The following PIF1 variants were observed in gnomAD, a reference collection of about 807,000 sequenced individuals.
PIF1 encodes the protein PIF1 5'-to-3' DNA helicase.
In PIF1, 67 loss-of-function variants were observed where a neutral mutation model predicts 62.3. The observed-to-expected ratio is 1.08, with a 90% CI of 0.88 to 1.32. The LOEUF (loss-of-function observed/expected upper bound fraction) is 1.32. Among genes scored for constraint, PIF1 ranks in the 40% most tolerant of loss-of-function variants. The pLI is 0.00. For synonymous variants in PIF1, 364 were observed against 379.5 expected (o/e 0.96, Z 0.47); for missense variants, 886 against 866.1 (o/e 1.02, Z -0.29).
rs61128222 is a variant in PIF1 at position 64,818,313 on chromosome 15, C to T, written c.1472G>A (p.Arg491Gln). The part of the protein sequence containing the change: ...VMLVKNLSVS[R>Q]GLVNGARGVV... ...CCCTCGGGCACCATTCACCAGGCCC[C>T]GAGACACCGATAAGTTTTTCACCAG... The change falls in exon 10 of 13, where the codon CGG becomes CAG. Residue 491 changes from arginine to glutamine, a missense_variant. By Grantham distance (43) the Arg-to-Gln change is conservative (BLOSUM62 1). Transcript: ENST00000559239. The T allele has an allele frequency of 2.5e-4, 404 of 1,614,076 alleles. No homozygotes were observed. In the East Asian group the frequency reaches 3.6e-3, roughly 14 times the overall value.
chr15:64,822,512 C>T lies in PIF1; in HGVS notation c.657G>A (p.Leu219=), dbSNP rs2084305520. The change falls in exon 3 of 13, where the codon CTG becomes CTA. Residue 219 remains leucine (L), a synonymous_variant. Transcript: ENST00000559239. ...EEQAAVLRAV[L]KGQSIFFTGS... is the part of the protein sequence containing the mutation. ...CAGTGAAGAAGATGCTCTGGCCTTT[C>T]AGGACGGCCCTCAGCACAGCAGCCT... The T allele has an allele frequency of 6.2e-7, 1 of 1,613,990 alleles. No individual in the cohort carries two copies. Among genetic ancestry groups the T allele is most frequent in the Non-Finnish European group, 8.5e-7 (1 of 1,180,022 alleles).
At position 64,821,354 on chromosome 15, in the gene PIF1, T is replaced by C. The variant is rs767940680; in HGVS notation, c.971+13A>G. The C allele has an allele frequency of 1.9e-6, 3 of 1,613,868 alleles. No homozygotes were observed. The highest frequency in any genetic ancestry group is 1.7e-5 in the Admixed American group (1 of 60,000). On this transcript the variant is annotated intron_variant, in intron 5 of 12. Transcript: ENST00000559239. ...GTCCCAGTTCTCACCTGCTGCCCTC[T>C]GAACATACTGACCTGGCCACGGCCT...
rs201895656 is a variant in PIF1 at position 64,821,457 on chromosome 15, C to T, written c.881G>A (p.Arg294Gln). 28 of 1,614,176 alleles carry T rather than the reference C, an allele frequency of 1.7e-5. No individual in the cohort carries two copies. In the East Asian group the frequency reaches 3.1e-4, roughly 18 times the overall value. The change falls in exon 5 of 13, where the codon CGG becomes CAG. Residue 294 changes from arginine to glutamine, a missense_variant. Coordinates refer to ENST00000559239, the MANE Select transcript of PIF1 (RefSeq NM_001286496.2). ...CCGCTGGCAGTTCAGCCAGCCCTGCCGCACGCCTGGCCTTTGGGCCAGGGC... is the reference window on the plus strand; with the variant it reads ...CCGCTGGCAGTTCAGCCAGCCCTGCTGCACGCCTGGCCTTTGGGCCAGGGC... ...CVALAQRPGV[R>Q]QGWLNCQRLV...
chr15:64,817,904 C>A, intron 11 of PIF1, 42 bp downstream of exon 11: 2 of 1,580,376 alleles, frequency 1.3e-6, no homozygotes, highest in South Asian at 1.1e-5. Flanking sequence ...TGCCTGACCT[C>A]CCTCTGCCCT....
intron 8 of PIF1, 137 bp from the exon 9 acceptor site, chr15:64,819,360 G>A: frequency 1.6e-6 from 1 of 639,904 alleles, no homozygotes; most frequent in South Asian, 1.9e-5. Context: ...GCCCAGACTG[G>A]AGTGCAAAGG....
intron 7 of PIF1, among the ~76,000 whole-genome samples, chr15:64,820,543 C>T (rs1055684203): frequency 2.6e-5 from 4 of 152,196 alleles, no homozygotes; most frequent in African/African-American, 9.6e-5. Context: ...ACTACAGGTG[C>T]GTGCCACCAC....
At chr15:64,826,356 G>T (rs2084367062), upstream of PIF1, among the ~76,000 whole-genome samples, 1 of 151,758 alleles carries the variant, frequency 6.6e-6, no homozygotes, top group African/African-American at 2.4e-5. Context: ...TACATAGCTG[G>T]AAAGGATCTT....
intron 9 of PIF1, chr15:64,818,903 C>T (rs2084237175): frequency 6.6e-6 from 3 of 457,008 alleles, no homozygotes; most frequent in Non-Finnish European, 1.1e-5. Flanking sequence ...TTGCCCAAAA[C>T]AACACTGCTT....
intron 1 of PIF1, among the ~76,000 whole-genome samples, chr15:64,824,707 C>T (rs968277911): frequency 5.3e-5 from 8 of 150,948 alleles, no homozygotes; most frequent in African/African-American, 9.8e-5. Flanking sequence ...ATTAGCCGGG[C>T]GTGGTGGCGG....
At chr15:64,826,741 C>T (rs958610313), upstream of PIF1, among the ~76,000 whole-genome samples, 3 of 135,134 alleles carry the variant, frequency 2.2e-5, no homozygotes, top group Non-Finnish European at 3.2e-5. Context: ...TATATATATA[C>T]ACACACATAT....
intron 1 of PIF1, among the ~76,000 whole-genome samples, chr15:64,824,994 TATATACAC>T (rs1332647982): frequency 7.6e-6 from 1 of 130,958 alleles, no homozygotes; most frequent in Admixed American, 7.9e-5. Flanking sequence ...AATTTCTATA[TATATACAC>T]ACACACACAC....
At chr15:64,818,752 C>T (rs892763500) in intron 9 of PIF1, 35 of 299,956 alleles carry the variant, frequency 1.2e-4, no homozygotes, top group African/African-American at 6.8e-4. Context: ...GGAAAATCTT[C>T]TGCCCACCCC....
Position 64,816,648 on chromosome 15 carries a change from G to A in PIF1, c.1792C>T (p.Pro598Ser), listed in dbSNP as rs556078039. 4.3e-6 allele frequency: 7 copies of A among 1,614,116 alleles called. No homozygotes were observed. The South Asian group carries it at 5.5e-5, about 13-fold the overall frequency. ...CGGGGGTCACAGCGAACCGCCATGG[G>A]GTCAAAGTCCAGCACACGTAGGCCC... ...LQGLRVLDFD[P>S]MAVRCDPRVL... Residue 598 changes from proline (P) to serine (S), a missense_variant, in exon 12 of 13, where the codon CCC becomes TCC. Physicochemically the swap from Pro to Ser is moderately conservative, Grantham distance 74 (BLOSUM62 -1). Coordinates refer to ENST00000559239, the MANE Select transcript of PIF1 (RefSeq NM_001286496.2).
intron 12 of PIF1, 49 bp downstream of exon 12, chr15:64,816,525 T>C (rs112765037): frequency 2.3e-5 from 37 of 1,605,822 alleles, no homozygotes; most frequent in Non-Finnish European, 2.8e-5. Context: ...CTGTCCTAGC[T>C]CCCACCCTGC....
chr15:64,825,063 A>C (rs1327102128), intron 1 of PIF1, among the ~76,000 whole-genome samples: 1 of 151,722 alleles, frequency 6.6e-6, no homozygotes, highest in East Asian at 1.9e-4. Flanking sequence ...AGAGCGGCGG[A>C]TGGGCACCGA....
At chr15:64,817,481 C>A (rs1477231949) in intron 11 of PIF1, among the ~76,000 whole-genome samples, 6 of 146,948 alleles carry the variant, frequency 4.1e-5, no homozygotes, top group African/African-American at 1.5e-4. Flanking sequence ...GGAGGCGGAG[C>A]TTGCAGTGAG....
chr15:64,824,230 G>A lies in PIF1; in HGVS notation c.106C>T (p.Gln36Ter). The change falls in exon 2 of 13, where the codon CAG becomes TAG. Residue 36 changes from glutamine (Q) to a stop codon, truncating the protein, a stop_gained. Transcript: ENST00000559239. LOFTEE classifies it high-confidence loss of function. ...CTCAGCTCCGCGGTGCGCAGGGCCTGGCGCCTTCGCGGCTGCCCGCCCGGG... is the reference window on the plus strand; with the variant it reads ...CTCAGCTCCGCGGTGCGCAGGGCCTAGCGCCTTCGCGGCTGCCCGCCCGGG... Reference protein sequence around the residue: ...LSPGGQPRRRQALRTAELSLG... With the variant: ...LSPGGQPRRR 7.5e-7 allele frequency: 1 copy of A among 1,326,230 alleles called. No homozygotes were observed. Among genetic ancestry groups the A allele is most frequent in the Non-Finnish European group, 9.7e-7 (1 of 1,031,184 alleles). The allele number at this position is 1,326,230 out of a possible 1,614,324, so 82.2% of individuals were successfully genotyped here.
At chr15:64,826,457 A>G (rs964969290), upstream of PIF1, among the ~76,000 whole-genome samples, 10 of 149,728 alleles carry the variant, frequency 6.7e-5, no homozygotes, top group East Asian at 4.0e-4. Context: ...CTTAGGGCTC[A>G]CTCTGTCGCC....
chr15:64,826,255 T>C (rs1447377580), upstream of PIF1, among the ~76,000 whole-genome samples: 1 of 152,156 alleles, frequency 6.6e-6, no homozygotes, highest in Non-Finnish European at 1.5e-5. Context: ...GTAGAGTCTC[T>C]GTCTTCAGGG....
Sources: allele counts gnomAD v4.1 joint callset (sites outside exome capture counted in the v4.1 genomes callset), GRCh38; gene constraint gnomAD v4.1.1; transcripts MANE v1.5; gene names NCBI Gene and HGNC (gene_info 2026-07-23, HGNC 2026-07-21).